PRMT3: variants seen among roughly 807,000 people sequenced by gnomAD.
The protein encoded by PRMT3 is protein arginine N-methyltransferase 3.
Under a neutral mutation model 71.9 loss-of-function variants are expected in PRMT3, and 62 were observed. That is an observed-to-expected ratio of 0.86 (90% CI 0.70 to 1.07). The LOEUF (loss-of-function observed/expected upper bound fraction) is 1.07, where lower values mean the gene tolerates loss of function less well. PRMT3 is among the 50% of genes least tolerant of loss of function. The probability of loss-of-function intolerance (pLI) is 0.00; values close to 1 mark genes in which losing one functional copy is unlikely to be tolerated. For synonymous variants in PRMT3, 213 were observed against 220.4 expected, an observed-to-expected ratio of 0.97 and a Z score of 0.30; for missense variants, 663 against 643.0, an observed-to-expected ratio of 1.03 and a Z score of -0.34.
In PRMT3 at chr11:20,462,145, T is replaced by TTTCC; in HGVS notation, c.1241_1242insCTTC (p.Glu415PhefsTer7). The TTTCC allele has an allele frequency of 2.5e-6, 4 of 1,609,292 alleles. No homozygotes were observed. Among genetic ancestry groups the TTTCC allele is most frequent in the Non-Finnish European group, 3.4e-6 (4 of 1,176,744 alleles). ...GAAGTTTTAGATCCGAAGACTCTTA[T>TTTCC]TTCAGAACCTTGTGGTATTAAGGTA... On this transcript the variant is annotated frameshift_variant, in exon 12 of 16. Transcript: ENST00000331079. LOFTEE classifies it high-confidence loss of function.
intron 13 of PRMT3, among the ~76,000 whole-genome samples, chr11:20,492,830 G>A (rs1177085242): frequency 6.6e-6 from 1 of 152,172 alleles, no homozygotes; most frequent in Non-Finnish European, 1.5e-5. Context: ...AAGCCGAAGT[G>A]GGTGAGTCGC....
intron 9 of PRMT3, among the ~76,000 whole-genome samples, chr11:20,422,788 T>TA (rs1309491793): frequency 1.3e-5 from 2 of 152,224 alleles, no homozygotes; most frequent in Non-Finnish European, 2.9e-5. Flanking sequence ...CACGTGAACC[T>TA]AATTACCCGA....
intron 11 of PRMT3, among the ~76,000 whole-genome samples, chr11:20,454,776 A>G (rs1211780900): frequency 2.0e-5 from 3 of 152,102 alleles, no homozygotes; most frequent in Admixed American, 1.3e-4. Flanking sequence ...AGAGAGGGAA[A>G]ATATTGAAGG....
rs184915325 is a variant in PRMT3 at position 20,430,691 on chromosome 11, C to G, written c.993+3826C>G. On this transcript the variant is annotated intron_variant, in intron 10 of 15. Transcript: ENST00000331079. ...GCTGTCAAATTAACATGTCTGTCAT[C>G]TCACATACTTACCTGTCTTTCTGTA... Among the ~76,000 whole-genome samples the G allele has an allele frequency of 6.7e-4, 102 of 152,194 alleles. No individual in the cohort carries two copies. The Middle Eastern group carries it at 0.017, about 26-fold the overall frequency.
rs1851275069 is a variant in PRMT3, at chr11:20,494,042, G to T, written c.1398+73G>T. 4.8e-6 allele frequency: 7 copies of T among 1,459,798 alleles called. No homozygotes were observed. The South Asian group carries it at 7.1e-5, about 15-fold the overall frequency. 90.4% of individuals were successfully genotyped at this position (1,459,798 alleles called of 1,614,324 possible). A position where few individuals can be genotyped will look rare whatever the true frequency, so the allele number is the denominator to read the frequency against. ...ATTATATTTTATTTTGTGCCCCAAG[G>T]TGTTTAATCATAAGCATTTTGCTGC... On this transcript the variant is annotated intron_variant, in intron 14 of 15. Transcript: ENST00000331079.
chr11:20,450,497 T>TG (rs1565217593), intron 10 of PRMT3, among the ~76,000 whole-genome samples: 1 of 152,186 alleles, frequency 6.6e-6, no homozygotes, highest in Non-Finnish European at 1.5e-5. Flanking sequence ...GGAACTAACT[T>TG]GTAAGAATTT....
chr11:20,440,529 G>A (rs951965958), intron 10 of PRMT3, among the ~76,000 whole-genome samples: 2 of 149,282 alleles, frequency 1.3e-5, no homozygotes, highest in East Asian at 3.9e-4. Context: ...AAATTGGACT[G>A]GACTACATCA....
chr11:20,441,227 A>G (rs1004908201), intron 10 of PRMT3, among the ~76,000 whole-genome samples: 8 of 151,596 alleles, frequency 5.3e-5, no homozygotes, highest in Non-Finnish European at 5.9e-5. Flanking sequence ...TGTAGAGATC[A>G]TCATCTATGT....
At chr11:20,440,489 CAAAAA>C (rs55801324) in intron 10 of PRMT3, among the ~76,000 whole-genome samples, 123 of 115,922 alleles carry the variant, frequency 1.1e-3, no homozygotes, top group South Asian at 2.3e-3. Context: ...ACTAAAAATA[CAAAAA>C]AAAAAAAAAA....
At chr11:20,440,457 A>G (rs1223696398) in intron 10 of PRMT3, among the ~76,000 whole-genome samples, 1 of 149,890 alleles carries the variant, frequency 6.7e-6, no homozygotes, top group Non-Finnish European at 1.5e-5. Flanking sequence ...CATCCTGGCT[A>G]ACACGGTGAA....
At position 20,444,422 on chromosome 11, in the gene PRMT3, G is replaced by A. The variant is rs117058898; in HGVS notation, c.994-7708G>A. ...TATTGTTCTGTACCTTGCTTTTTTC[G>A]TCAATAAGTTTCCCTCTAATGACTG... On this transcript the variant is annotated intron_variant, in intron 10 of 15. Coordinates refer to ENST00000331079, the MANE Select transcript of PRMT3 (RefSeq NM_005788.4). 1.3e-3 allele frequency among the ~76,000 whole-genome samples: 198 copies of A among 152,026 alleles called. 1 individual carries two copies. Among genetic ancestry groups the A allele is most frequent in the South Asian group, 0.012 (60 of 4,822 alleles).
chr11:20,507,243 A>C (rs1851612380), intron 15 of PRMT3, among the ~76,000 whole-genome samples: 1 of 152,174 alleles, frequency 6.6e-6, no homozygotes. Context: ...CCTCCAGCAC[A>C]CTTTAGACAC....
intron 11 of PRMT3, among the ~76,000 whole-genome samples, chr11:20,455,220 T>C (rs976080382): frequency 3.7e-4 from 56 of 152,122 alleles, no homozygotes; most frequent in South Asian, 4.1e-4. Context: ...TATAAATGTT[T>C]TATGTGCTAA....
intron 10 of PRMT3, among the ~76,000 whole-genome samples, chr11:20,440,212 A>G (rs1849854668): frequency 6.6e-6 from 1 of 152,194 alleles, no homozygotes; most frequent in Admixed American, 6.5e-5. Context: ...ATGTTAAGAG[A>G]AAAGATAGTG....
intron 9 of PRMT3, among the ~76,000 whole-genome samples, chr11:20,421,007 C>T (rs77903562): frequency 0.029 from 4,381 of 152,078 alleles, 215 homozygotes; most frequent in African/African-American, 0.099. Flanking sequence ...ATGCTGAATA[C>T]GTAATTAATC....
chr11:20,433,188 T>C (rs2083840), intron 10 of PRMT3, among the ~76,000 whole-genome samples: 6,903 of 152,164 alleles, frequency 0.045, 259 homozygotes, highest in East Asian at 0.2. Context: ...ATTTTTTTTT[T>C]ACTCATCTCC....
chr11:20,407,890 G>T lies in PRMT3; in HGVS notation c.772-21G>T, dbSNP rs377173644. 9.2e-5 allele frequency: 146 copies of T among 1,590,494 alleles called. 1 individual carries two copies. Among genetic ancestry groups the T allele is most frequent in the African/African-American group, 5.4e-4 (40 of 73,646 alleles). ...TTTTGATAACATCTGTTTTGTTTTG[G>T]TTTTTTCTTAATTACCCTAGGTAGT... is the stretch of plus-strand genomic sequence containing the variant. On this transcript the variant is annotated intron_variant, in intron 8 of 15. Transcript: ENST00000331079.
At chr11:20,435,214 AT>A (rs934468414) in intron 10 of PRMT3, among the ~76,000 whole-genome samples, 11 of 138,290 alleles carry the variant, frequency 8.0e-5, no homozygotes, top group East Asian at 6.0e-4. Flanking sequence ...TTTAGTTGAT[AT>A]TTTTTTAATT....
intron 3 of PRMT3, among the ~76,000 whole-genome samples, chr11:20,391,028 T>G (rs1034293138): frequency 6.7e-6 from 1 of 148,196 alleles, no homozygotes; most frequent in African/African-American, 2.5e-5. Context: ...ACAGCCTGGG[T>G]GACAGACTGA....
Sources: allele counts gnomAD v4.1 joint callset (sites outside exome capture counted in the v4.1 genomes callset), GRCh38; gene constraint gnomAD v4.1.1; transcripts MANE v1.5; gene names NCBI Gene and HGNC (gene_info 2026-07-23, HGNC 2026-07-21).